The following DLG2 variants were observed in gnomAD, a reference collection of about 807,000 sequenced individuals.
DLG2 encodes the protein discs large MAGUK scaffold protein 2.
Under a neutral mutation model 132.5 loss-of-function variants are expected in DLG2, and 45 were observed. The observed-to-expected ratio is 0.34, with a 90% CI of 0.27 to 0.44. DLG2 has a LOEUF of 0.44. Among genes scored for constraint, DLG2 ranks in the 20% least tolerant of loss-of-function variants. The probability of loss-of-function intolerance (pLI) is 1.00; values close to 1 mark genes in which losing one functional copy is unlikely to be tolerated. For synonymous variants in DLG2, 424 were observed against 419.6 expected, an observed-to-expected ratio of 1.01 and a Z score of -0.13; for missense variants, 1,045 against 1,196.9, an observed-to-expected ratio of 0.87 and a Z score of 1.87.
At chr11:84,476,255 C>G (rs981858470) in intron 7 of DLG2, among the ~76,000 whole-genome samples, 3 of 152,078 alleles carry the variant, frequency 2.0e-5, no homozygotes, top group Non-Finnish European at 2.9e-5. Context: ...GTGTGCTGAC[C>G]TTCACTTGAC....
At chr11:85,471,005 T>G (rs1223153512) in intron 3 of DLG2, among the ~76,000 whole-genome samples, 1 of 152,234 alleles carries the variant, frequency 6.6e-6, no homozygotes, top group Non-Finnish European at 1.5e-5. Flanking sequence ...CCAGGACTCC[T>G]TCTTTTCTCT....
At chr11:84,827,876 A>C (rs1283660493) in intron 6 of DLG2, among the ~76,000 whole-genome samples, 4 of 151,706 alleles carry the variant, frequency 2.6e-5, no homozygotes, top group African/African-American at 9.7e-5. Flanking sequence ...GCATGTTCTC[A>C]CTTATTAGTG....
chr11:84,931,368 C>T (rs887037705), intron 6 of DLG2, among the ~76,000 whole-genome samples: 1 of 152,032 alleles, frequency 6.6e-6, no homozygotes, highest in African/African-American at 2.4e-5. Flanking sequence ...CTCTATGTGT[C>T]CGTGTTTTCT....
At chr11:84,495,089 T>C (rs367805883) in intron 7 of DLG2, among the ~76,000 whole-genome samples, 1 of 152,056 alleles carries the variant, frequency 6.6e-6, no homozygotes, top group African/African-American at 2.4e-5. Context: ...GTGTCGCTCA[T>C]TTGCTCAAAA....
At chr11:84,450,978 C>T (rs192005812) in intron 7 of DLG2, among the ~76,000 whole-genome samples, 6 of 151,816 alleles carry the variant, frequency 4.0e-5, no homozygotes, top group East Asian at 1.9e-4. Flanking sequence ...CTCAGCATCA[C>T]GCAATATACC....
At chr11:84,860,916 A>C (rs2083524825) in intron 6 of DLG2, among the ~76,000 whole-genome samples, 1 of 152,070 alleles carries the variant, frequency 6.6e-6, no homozygotes, top group Admixed American at 6.6e-5. Context: ...AAAAAAAATA[A>C]GCTTTGAGTT....
chr11:83,669,682 T>C (rs925570346), intron 18 of DLG2, among the ~76,000 whole-genome samples: 3 of 152,206 alleles, frequency 2.0e-5, no homozygotes, highest in Non-Finnish European at 4.4e-5. Flanking sequence ...AGGGTGTTTA[T>C]GCCCTGAAAT....
At chr11:83,659,009 A>G (rs2073511743) in intron 18 of DLG2, among the ~76,000 whole-genome samples, 1 of 152,212 alleles carries the variant, frequency 6.6e-6, no homozygotes, top group Non-Finnish European at 1.5e-5. Flanking sequence ...CTGTCCAGAT[A>G]TGGTACTCTC....
chr11:83,777,018 G>A (rs1445410746), intron 18 of DLG2, among the ~76,000 whole-genome samples: 2 of 152,138 alleles, frequency 1.3e-5, no homozygotes, highest in Non-Finnish European at 2.9e-5. Flanking sequence ...CTGACTGTAG[G>A]TCCATTAGGG....
At chr11:84,420,439 ACT>A (rs1455218309) in intron 7 of DLG2, among the ~76,000 whole-genome samples, 2 of 151,922 alleles carry the variant, frequency 1.3e-5, no homozygotes, top group Non-Finnish European at 2.9e-5. Flanking sequence ...ACTTTTACTC[ACT>A]CTGACCCTAG....
chr11:84,538,501 A>G (rs2099360755), intron 6 of DLG2, among the ~76,000 whole-genome samples: 1 of 152,170 alleles, frequency 6.6e-6, no homozygotes, highest in African/African-American at 2.4e-5. Context: ...CGTGATGTGA[A>G]TTACACTACA....
intron 6 of DLG2, among the ~76,000 whole-genome samples, chr11:84,771,409 G>A (rs1462585571): frequency 2.6e-5 from 4 of 152,104 alleles, no homozygotes; most frequent in South Asian, 4.1e-4. Flanking sequence ...TTGGCCACAC[G>A]TCTTCTTTTG....
intron 2 of DLG2, among the ~76,000 whole-genome samples, chr11:85,604,299 G>C (rs2080368874): frequency 6.6e-6 from 1 of 152,168 alleles, no homozygotes; most frequent in Admixed American, 6.5e-5. Context: ...TGATTATTGA[G>C]AATGATCATC....
At chr11:84,587,983 C>T (rs979772794) in intron 6 of DLG2, among the ~76,000 whole-genome samples, 26 of 152,122 alleles carry the variant, frequency 1.7e-4, no homozygotes, top group Admixed American at 3.3e-4. Flanking sequence ...CTTCCTATTA[C>T]GATAGCATCA....
At chr11:83,784,568 A>G (rs779466495) in intron 18 of DLG2, among the ~76,000 whole-genome samples, 4 of 152,250 alleles carry the variant, frequency 2.6e-5, no homozygotes, top group Non-Finnish European at 4.4e-5. Context: ...CACTTTAAAA[A>G]TCAATTTGTA....
intron 6 of DLG2, among the ~76,000 whole-genome samples, chr11:84,876,260 T>C (rs962729651): frequency 2.6e-5 from 4 of 152,228 alleles, no homozygotes; most frequent in African/African-American, 9.6e-5. Context: ...GAAGGAATGA[T>C]ACCAGCTCCT....
intron 6 of DLG2, among the ~76,000 whole-genome samples, chr11:84,556,634 C>T (rs563726805): frequency 6.6e-6 from 1 of 152,298 alleles, no homozygotes; most frequent in South Asian, 2.1e-4. Flanking sequence ...CCACAGGCCG[C>T]AGGTTGGACA....
chr11:84,605,425 A>G (rs2099583691), intron 6 of DLG2, among the ~76,000 whole-genome samples: 1 of 151,966 alleles, frequency 6.6e-6, no homozygotes, highest in South Asian at 2.1e-4. Flanking sequence ...ACTTTTCTAT[A>G]TCTTCGTCAG....
chr11:83,635,573 ATATG>A (rs1166631346), intron 18 of DLG2, among the ~76,000 whole-genome samples: 2 of 152,078 alleles, frequency 1.3e-5, no homozygotes, highest in Non-Finnish European at 2.9e-5. Flanking sequence ...TGTGTGCCGG[ATATG>A]TATGTGTGTG....
Sources: gnomAD v4.1 joint callset for allele counts (sites outside exome capture counted in the v4.1 genomes callset) on GRCh38, gnomAD v4.1.1 for gene constraint, MANE v1.5 for transcripts, NCBI Gene and HGNC (gene_info 2026-07-23, HGNC 2026-07-21) for gene names.